HS3ST5: variants seen among roughly 807,000 people sequenced by gnomAD.
The protein encoded by HS3ST5 is heparan sulfate glucosamine 3-O-sulfotransferase 5.
A neutral mutation model predicts 25.4 loss-of-function variants in HS3ST5; 10 were observed. That is an observed-to-expected ratio of 0.39 (90% CI 0.24 to 0.67). HS3ST5 has a LOEUF of 0.67. Among genes scored for constraint, HS3ST5 ranks in the 30% least tolerant of loss-of-function variants. The pLI is 0.44. For missense variants in HS3ST5, 324 were observed against 420.7 expected (o/e 0.77, Z 2.01); for synonymous variants, 170 against 162.4 (o/e 1.05, Z -0.36).
chr6:114,215,233 G>A (rs1410760239), intron 2 of HS3ST5, among the ~76,000 whole-genome samples: 1 of 152,112 alleles, frequency 6.6e-6, no homozygotes, highest in East Asian at 1.9e-4. Flanking sequence ...ATGAATCCGG[G>A]AGGCGGAGCT....
chr6:114,257,040 C>T lies in HS3ST5; in HGVS notation c.-338-28262G>A, dbSNP rs899307383. On this transcript the variant is annotated intron_variant, in intron 1 of 4. Transcript: ENST00000312719. Reference sequence around the variant, plus strand: ...GTAAAGGGGTTTCCCCCTTATAAAACCATCAGATCTCATGAGACTTATTCA... The same window carrying T: ...GTAAAGGGGTTTCCCCCTTATAAAATCATCAGATCTCATGAGACTTATTCA... Among the ~76,000 whole-genome samples, 11 of 152,156 alleles carry T rather than the reference C, an allele frequency of 7.2e-5. No individual in the cohort carries two copies. The South Asian group carries it at 8.3e-4, about 11-fold the overall frequency.
chr6:114,185,402 C>T (rs759524832), intron 2 of HS3ST5, among the ~76,000 whole-genome samples: 4 of 152,138 alleles, frequency 2.6e-5, no homozygotes, highest in South Asian at 2.1e-4. Context: ...ACCAGGATGA[C>T]GGACCTCACT....
intron 1 of HS3ST5, among the ~76,000 whole-genome samples, chr6:114,258,729 T>C (rs1231098545): frequency 1.3e-5 from 2 of 152,192 alleles, no homozygotes; most frequent in Non-Finnish European, 2.9e-5. Flanking sequence ...TTGGGTATTC[T>C]GACCTCTTGC....
intron 1 of HS3ST5, among the ~76,000 whole-genome samples, chr6:114,248,506 TA>T (rs976678803): frequency 2.6e-5 from 4 of 151,912 alleles, no homozygotes; most frequent in African/African-American, 7.2e-5. Context: ...AAAATTAAAA[TA>T]AAAAAATTTC....
At chr6:114,134,005 G>A (rs999849830) in intron 3 of HS3ST5, among the ~76,000 whole-genome samples, 2 of 152,090 alleles carry the variant, frequency 1.3e-5, no homozygotes, top group African/African-American at 2.4e-5. Flanking sequence ...AGAGGGCGGC[G>A]GGGAGCGGTA....
At chr6:114,272,166 T>C (rs1359212254) in intron 1 of HS3ST5, among the ~76,000 whole-genome samples, 1 of 152,178 alleles carries the variant, frequency 6.6e-6, no homozygotes, top group East Asian at 1.9e-4. Flanking sequence ...TTTCCATTAT[T>C]GTTAGCCACA....
Position 114,342,638 on chromosome 6 carries a change from G to C in HS3ST5, c.-782C>G, listed in dbSNP as rs996990394. On this transcript the variant is annotated 5_prime_UTR_variant, in exon 1 of 5. Coordinates refer to ENST00000312719, the MANE Select transcript of HS3ST5 (RefSeq NM_153612.4). ...TGCCGGAGACCGCAGCCGCTCTGCG[G>C]GGGGAGGTGCGCATCCTCCTTGCCC... 1 of 152,852 alleles carries C rather than the reference G, an allele frequency of 6.5e-6. No homozygotes were observed. The highest frequency in any genetic ancestry group is 6.5e-5 in the Admixed American group (1 of 15,284). 9.5% of individuals were successfully genotyped at this position (152,852 alleles called of 1,614,324 possible). A position where few individuals can be genotyped will look rare whatever the true frequency, so the allele number is the denominator to read the frequency against.
chr6:114,264,402 CAG>C (rs1457071715), intron 1 of HS3ST5, among the ~76,000 whole-genome samples: 1 of 152,190 alleles, frequency 6.6e-6, no homozygotes, highest in Non-Finnish European at 1.5e-5. Flanking sequence ...CTTCTAAATG[CAG>C]AGTTATTGCC....
intron 3 of HS3ST5, among the ~76,000 whole-genome samples, chr6:114,125,138 G>T (rs1201318679): frequency 6.6e-6 from 1 of 151,222 alleles, no homozygotes; most frequent in Admixed American, 6.6e-5. Context: ...TAAATTAAAT[G>T]ATTTTTTTTA....
rs373398789 is a variant in HS3ST5, at chr6:114,058,104, C to T, written c.194G>A (p.Arg65His). 1.9e-5 allele frequency: 31 copies of T among 1,614,110 alleles called. No individual in the cohort carries two copies. In the East Asian group the frequency reaches 2.7e-4, roughly 14 times the overall value. The stretch of plus-strand genomic sequence containing the variant: ...CTTCCGGAACTCGTGCAGCAGGCCA[C>T]GCTTAAACTGCAGGGCGCGAAGTGG... ...EFPLRALQFK[R>H]GLLHEFRKGN... The change falls in exon 5 of 5, where the codon CGT becomes CAT. Residue 65 changes from arginine (R) to histidine (H), a missense_variant. Around this residue, in one of 2 missense-constraint regions of HS3ST5, gnomAD observed 121 missense variants for 117.3 expected, o/e 1.03. Coordinates refer to ENST00000312719, the MANE Select transcript of HS3ST5 (RefSeq NM_153612.4).
rs545940901 is a variant in HS3ST5, at chr6:114,231,760, T to A, written c.-338-2982A>T. Among the ~76,000 whole-genome samples, 310 of 141,272 alleles carry A rather than the reference T, an allele frequency of 2.2e-3. 6 individuals carry two copies. In the East Asian group the frequency reaches 0.022, roughly 10 times the overall value. 92.7% of individuals were successfully genotyped at this position (141,272 alleles called of 152,430 possible). On this transcript the variant is annotated intron_variant, in intron 1 of 4. Coordinates refer to ENST00000312719, the MANE Select transcript of HS3ST5 (RefSeq NM_153612.4). ...GAGGCTTTGGTTGCCCTATTCTATT[T>A]AAAAAAAAAAAAAAAAAAGCTCTGT...
In HS3ST5 at chr6:114,200,564, GA is replaced by G. The variant is rs34768286; in HGVS notation, c.-145+28020del. ...TTTGTGGAGGGGATTTCTGGGTTGG[GA>G]AAAGATTTAATTTTAATTTTTCTTT... On this transcript the variant is annotated intron_variant, in intron 2 of 4. Coordinates refer to ENST00000312719, the MANE Select transcript of HS3ST5 (RefSeq NM_153612.4). Among the ~76,000 whole-genome samples the G allele has an allele frequency of 2.9e-3, 441 of 152,192 alleles. 3 individuals are homozygous for G. Among genetic ancestry groups the G allele is most frequent in the African/African-American group, 0.01 (417 of 41,522 alleles).
chr6:114,235,892 A>G (rs1164467579), intron 1 of HS3ST5: 1 of 152,254 alleles, frequency 6.6e-6, no homozygotes, highest in Non-Finnish European at 1.5e-5. Flanking sequence ...TGGTCCAGGT[A>G]GGGGACACAA....
chr6:114,325,442 T>C (rs1282453672), intron 1 of HS3ST5, among the ~76,000 whole-genome samples: 1 of 152,190 alleles, frequency 6.6e-6, no homozygotes, highest in Non-Finnish European at 1.5e-5. Context: ...TAAGGTGGGT[T>C]GGATTTGGCA....
At chr6:114,191,779 C>G (rs1780515160) in intron 2 of HS3ST5, among the ~76,000 whole-genome samples, 1 of 152,156 alleles carries the variant, frequency 6.6e-6, no homozygotes, top group Non-Finnish European at 1.5e-5. Context: ...CCCACCTCCA[C>G]TCTAGATTCT....
At chr6:114,149,188 C>G (rs1483141106) in intron 3 of HS3ST5, among the ~76,000 whole-genome samples, 1 of 152,164 alleles carries the variant, frequency 6.6e-6, no homozygotes, top group Non-Finnish European at 1.5e-5. Flanking sequence ...CCTCAAGGAT[C>G]TAGAACCAGA....
intron 3 of HS3ST5, among the ~76,000 whole-genome samples, chr6:114,161,151 A>C (rs1205644788): frequency 6.6e-6 from 1 of 151,542 alleles, no homozygotes; most frequent in Non-Finnish European, 1.5e-5. Context: ...ACCAAACCCA[A>C]CTCCCCTCAA....
intron 1 of HS3ST5, among the ~76,000 whole-genome samples, chr6:114,270,551 T>C (rs1359632716): frequency 6.6e-6 from 1 of 152,176 alleles, no homozygotes; most frequent in African/African-American, 2.4e-5. Flanking sequence ...TGCAGAAAGC[T>C]TCATTTAAAT....
At chr6:114,234,331 T>C (rs1254288385) in intron 1 of HS3ST5, among the ~76,000 whole-genome samples, 5 of 149,156 alleles carry the variant, frequency 3.4e-5, no homozygotes, top group Non-Finnish European at 7.4e-5. Flanking sequence ...TATATATATA[T>C]GAAAAAGAAA....
Sources: gnomAD v4.1 joint callset for allele counts (sites outside exome capture counted in the v4.1 genomes callset) on GRCh38, gnomAD v4.1.1 for gene constraint, gnomAD v4.1.1 regional missense constraint, MANE v1.5 for transcripts, NCBI Gene and HGNC (gene_info 2026-07-23, HGNC 2026-07-21) for gene names.